PCNX2: variants seen among roughly 807,000 people sequenced by gnomAD.
The protein encoded by PCNX2 is pecanex 2, also known as pecanex-like protein 2.
PCNX2 carries 168 observed loss-of-function variants against 223.8 expected under a neutral mutation model. The ratio of observed to expected loss-of-function variants is 0.75; its 90% CI spans 0.66 to 0.85. The LOEUF (loss-of-function observed/expected upper bound fraction) is 0.85, where lower values mean the gene tolerates loss of function less well. Ranked by LOEUF, PCNX2 falls within the 40% of genes least tolerant of loss-of-function variation. The pLI is 0.00. For missense variants in PCNX2, 2,507 were observed against 2,675.5 expected, an observed-to-expected ratio of 0.94 and a Z score of 1.39; for synonymous variants, 1,006 against 1,052.6, an observed-to-expected ratio of 0.96 and a Z score of 0.86.
Position 233,035,295 on chromosome 1 carries a change from C to T in PCNX2, c.4352-9896G>A, listed in dbSNP as rs74689243. ...GATATGAGTACTTTGAGAAACAAAC[C>T]GCAGTTTTTGTTCCCAATAATCAAA... On this transcript the variant is annotated intron_variant, in intron 25 of 33. Transcript: ENST00000258229. Among the ~76,000 whole-genome samples the T allele has an allele frequency of 5.3e-3, 800 of 152,186 alleles. 14 individuals are homozygous for T. The highest frequency in any genetic ancestry group is 0.035 in the Admixed American group (533 of 15,286).
At chr1:233,017,601 C>T (rs868452967) in intron 26 of PCNX2, among the ~76,000 whole-genome samples, 1 of 152,014 alleles carries the variant, frequency 6.6e-6, no homozygotes. Context: ...CAGGCATGAG[C>T]CACCATGCCT....
At chr1:233,235,957 A>AAAAAAAATAT (rs369886650) in intron 9 of PCNX2, among the ~76,000 whole-genome samples, 23 of 93,104 alleles carry the variant, frequency 2.5e-4, no homozygotes, top group East Asian at 2.1e-3. Context: ...CATAAAAAAA[A>AAAAAAAATAT]ATATATATAT....
At chr1:233,226,056 T>C (rs1236509406) in intron 10 of PCNX2, among the ~76,000 whole-genome samples, 1 of 152,170 alleles carries the variant, frequency 6.6e-6, no homozygotes, top group Non-Finnish European at 1.5e-5. Flanking sequence ...AGGCAACCAG[T>C]TTTTCCACTG....
chr1:233,045,462 A>G (rs1671791682), intron 25 of PCNX2, among the ~76,000 whole-genome samples: 1 of 152,166 alleles, frequency 6.6e-6, no homozygotes, highest in Non-Finnish European at 1.5e-5. Context: ...ACTCTACATG[A>G]ATGTGTAACA....
At chr1:233,194,352 G>GT (rs58008404) in intron 15 of PCNX2, among the ~76,000 whole-genome samples, 152,206 of 152,206 alleles carry the variant, frequency 1, 76,103 homozygotes, top group Non-Finnish European at 1. Context: ...AAGGCTGAAA[G>GT]TTTATGACTA....
At chr1:233,307,629 G>C in the PCNX2 span, among the ~76,000 whole-genome samples, 2 of 152,186 alleles carry the variant, frequency 1.3e-5, no homozygotes, top group African/African-American at 4.8e-5. Context: ...TTTTGTAAGA[G>C]ACAGTGGTAG....
At chr1:233,025,075 CAG>C (rs1671032445) in intron 26 of PCNX2, 69 bp downstream of exon 26, 1 of 1,574,438 alleles carries the variant, frequency 6.4e-7, no homozygotes, top group African/African-American at 1.3e-5. Flanking sequence ...TAGCTTTCGA[CAG>C]AGCTCTTTCG....
At chr1:233,119,384 C>G (rs1675616438) in intron 21 of PCNX2, among the ~76,000 whole-genome samples, 1 of 131,174 alleles carries the variant, frequency 7.6e-6, no homozygotes, top group Admixed American at 7.9e-5. Flanking sequence ...ATGGTGAAAC[C>G]CCGTCTCTAC....
intron 21 of PCNX2, among the ~76,000 whole-genome samples, chr1:233,100,163 A>G (rs967329996): frequency 5.9e-5 from 9 of 152,242 alleles, no homozygotes; most frequent in African/African-American, 2.2e-4. Flanking sequence ...CTGTAATCCC[A>G]GCACTTTGGG....
At chr1:233,094,632 T>C (rs1311402319) in intron 22 of PCNX2, among the ~76,000 whole-genome samples, 1 of 152,182 alleles carries the variant, frequency 6.6e-6, no homozygotes, top group Admixed American at 6.5e-5. Context: ...CACTCAAGGA[T>C]TATCCTAAGT....
intron 26 of PCNX2, among the ~76,000 whole-genome samples, chr1:233,024,241 G>T (rs1239322605): frequency 3.3e-5 from 5 of 152,186 alleles, no homozygotes; most frequent in African/African-American, 1.2e-4. Context: ...AATGCCATTT[G>T]TTTGTTAGCT....
In PCNX2 at chr1:233,093,184, C is replaced by T. The variant is rs146426056; in HGVS notation, c.3946+2571G>A. Reference sequence around the variant, plus strand: ...AGTAGAAAGCAGCCCTCCCAATCTCCGGGTTTACTATAGAGAATCTGGCTA... The same window carrying T: ...AGTAGAAAGCAGCCCTCCCAATCTCTGGGTTTACTATAGAGAATCTGGCTA... On this transcript the variant is annotated intron_variant, in intron 22 of 33. Transcript: ENST00000258229. 2.4e-3 allele frequency among the ~76,000 whole-genome samples: 361 copies of T among 152,246 alleles called. 2 individuals are homozygous for T. Among genetic ancestry groups the T allele is most frequent in the African/African-American group, 7.5e-3 (312 of 41,544 alleles).
At chr1:233,280,684 T>C (rs940833916) in intron 1 of PCNX2, among the ~76,000 whole-genome samples, 3 of 152,122 alleles carry the variant, frequency 2.0e-5, no homozygotes, top group African/African-American at 7.2e-5. Flanking sequence ...TTATTCTCCA[T>C]TACACCCTCA....
chr1:233,093,176 C>T (rs887259622), intron 22 of PCNX2, among the ~76,000 whole-genome samples: 3 of 152,144 alleles, frequency 2.0e-5, no homozygotes, highest in African/African-American at 7.2e-5. Context: ...AGCAGCCCTC[C>T]CAATCTCCGG....
intron 23 of PCNX2, among the ~76,000 whole-genome samples, chr1:233,059,681 T>C (rs1189445744): frequency 6.6e-6 from 1 of 152,224 alleles, no homozygotes; most frequent in Non-Finnish European, 1.5e-5. Context: ...GCAGAATAAA[T>C]TATTGAATGG....
intron 21 of PCNX2, among the ~76,000 whole-genome samples, chr1:233,119,095 C>A (rs1157316417): frequency 6.6e-6 from 1 of 151,472 alleles, no homozygotes; most frequent in East Asian, 1.9e-4. Flanking sequence ...AAAAGCAATT[C>A]GAGGAAGGAA....
At chr1:233,078,372 G>C (rs1432101769) in intron 23 of PCNX2, among the ~76,000 whole-genome samples, 1 of 152,228 alleles carries the variant, frequency 6.6e-6, no homozygotes, top group East Asian at 1.9e-4. Flanking sequence ...GAAATCTCCT[G>C]CATCATATTT....
chr1:233,238,074 A>T (rs564042518), intron 8 of PCNX2, among the ~76,000 whole-genome samples: 3 of 152,220 alleles, frequency 2.0e-5, no homozygotes, highest in Non-Finnish European at 2.9e-5. Context: ...ATGGAAGGGA[A>T]CTAGTTTTTT....
intron 21 of PCNX2, among the ~76,000 whole-genome samples, chr1:233,128,706 G>C (rs1676247920): frequency 6.6e-6 from 1 of 152,162 alleles, no homozygotes; most frequent in Admixed American, 6.5e-5. Flanking sequence ...CTTTGCTCCT[G>C]TAACAGTCAA....
Sources: allele counts gnomAD v4.1 joint callset (sites outside exome capture counted in the v4.1 genomes callset), GRCh38; gene constraint gnomAD v4.1.1; transcripts MANE v1.5; gene names NCBI Gene and HGNC (gene_info 2026-07-23, HGNC 2026-07-21).